KIRREL3: variants seen among roughly 807,000 people sequenced by gnomAD.
The protein encoded by KIRREL3 is kin of IRRE-like protein 3.
Under a neutral mutation model 89.7 loss-of-function variants are expected in KIRREL3, and 36 were observed. The observed-to-expected ratio is 0.40, with a 90% CI of 0.31 to 0.53. The LOEUF is 0.53. Among genes scored for constraint, KIRREL3 ranks in the 20% least tolerant of loss-of-function variants. KIRREL3 has a pLI of 0.49. For synonymous variants in KIRREL3, 445 were observed against 441.4 expected (o/e 1.01, Z -0.10); for missense variants, 864 against 1,056.6 (o/e 0.82, Z 2.53).
In KIRREL3 at chr11:126,564,118, G is replaced by A. The variant is rs1940336682; in HGVS notation, c.56-1206C>T. Among the ~76,000 whole-genome samples, 1 of 152,236 alleles carries A rather than the reference G, an allele frequency of 6.6e-6. No individual in the cohort carries two copies. Among genetic ancestry groups the A allele is most frequent in the Non-Finnish European group, 1.5e-5 (1 of 68,042 alleles). On this transcript the variant is annotated intron_variant, in intron 1 of 16. Transcript: ENST00000525144. This position sits in a 1 kb window ranked among gnomAD's most constrained non-coding sequence, Gnocchi z 7.4. ...TCCTGGCCCTTGCCAGGGTTTCTGG[G>A]CTCCTCCCTGCTCCTTCCTTTGATT...
intron 5 of KIRREL3, among the ~76,000 whole-genome samples, chr11:126,470,629 C>A (rs1377032952): frequency 6.6e-6 from 1 of 152,174 alleles, no homozygotes; most frequent in Non-Finnish European, 1.5e-5. Context: ...GTAGGGGGAA[C>A]CAGGCCGTGT....
chr11:126,759,198 C>T (rs1305482945), intron 1 of KIRREL3, among the ~76,000 whole-genome samples: 1 of 152,212 alleles, frequency 6.6e-6, no homozygotes, highest in Non-Finnish European at 1.5e-5. Context: ...GGTGCGATCT[C>T]GGCTTGCTGC....
intron 2 of KIRREL3, among the ~76,000 whole-genome samples, chr11:126,559,017 A>T (rs1338680201): frequency 6.6e-6 from 1 of 152,106 alleles, no homozygotes; most frequent in Non-Finnish European, 1.5e-5. Context: ...TCCTGAGAGC[A>T]TGGGCTGGCA....
chr11:126,675,182 C>G (rs1048913368), intron 1 of KIRREL3, among the ~76,000 whole-genome samples: 2 of 152,192 alleles, frequency 1.3e-5, no homozygotes, highest in Non-Finnish European at 2.9e-5. Flanking sequence ...GGCATTGGAG[C>G]CTTTACATGC....
At position 126,969,798 on chromosome 11, in the gene KIRREL3, T is replaced by C. The variant is rs954597180; in HGVS notation, c.55+30657A>G. ...ATTGGTGCCTTCCGGGATTCTGCCA[T>C]TGAAGGAAGGAAAAAGGTAGCAGAC... On this transcript the variant is annotated intron_variant, in intron 1 of 16. Transcript: ENST00000525144. The surrounding 1 kb of genome is among the most constrained non-coding windows in gnomAD (Gnocchi z 4.9). Among the ~76,000 whole-genome samples the C allele has an allele frequency of 3.3e-5, 5 of 152,192 alleles. No homozygotes were observed. The highest frequency in any genetic ancestry group is 6.5e-5 in the Admixed American group (1 of 15,278).
At chr11:126,559,615 C>A (rs1034763211) in intron 2 of KIRREL3, among the ~76,000 whole-genome samples, 4 of 151,748 alleles carry the variant, frequency 2.6e-5, no homozygotes, top group African/African-American at 9.7e-5. Context: ...GGAGGTGACA[C>A]ATACACTGAG....
chr11:126,465,651 C>G (rs144566068), intron 5 of KIRREL3, among the ~76,000 whole-genome samples: 22 of 152,178 alleles, frequency 1.4e-4, no homozygotes, highest in Non-Finnish European at 2.9e-5. Flanking sequence ...GAGAGCCACG[C>G]GGTGCAGCTG....
At chr11:126,935,596 T>C (rs1337385328) in intron 1 of KIRREL3, 1 of 152,188 alleles carries the variant, frequency 6.6e-6, no homozygotes, top group Non-Finnish European at 1.5e-5. Flanking sequence ...GAAACTGAAA[T>C]GCTTATTACC....
chr11:126,946,676 CA>C lies in KIRREL3; in HGVS notation c.55+53778del, dbSNP rs775409272. 2.6e-5 allele frequency among the ~76,000 whole-genome samples: 4 copies of C among 152,074 alleles called. No homozygotes were observed. Among genetic ancestry groups the C allele is most frequent in the Non-Finnish European group, 4.4e-5 (3 of 68,016 alleles). ...ACTTCATAATAAGATTAAATGGCTG[CA>C]AAAAATTCAATGCTTGGATATCCTA... On this transcript the variant is annotated intron_variant, in intron 1 of 16. Coordinates refer to ENST00000525144, the MANE Select transcript of KIRREL3 (RefSeq NM_032531.4). The surrounding 1 kb of genome is among the most constrained non-coding windows in gnomAD (Gnocchi z 4.1).
At position 126,797,503 on chromosome 11, in the gene KIRREL3, C is replaced by G. The variant is rs1329154029; in HGVS notation, c.55+202952G>C. Among the ~76,000 whole-genome samples the G allele has an allele frequency of 2.6e-5, 4 of 152,106 alleles. No homozygotes were observed. In the East Asian group the frequency reaches 7.7e-4, roughly 29 times the overall value. ...TACCTGGGAAGCTAAACTGTCCACA[C>G]CCTTCTCCCATGGTGATCCCCAGAA... is the stretch of plus-strand genomic sequence containing the variant. On this transcript the variant is annotated intron_variant, in intron 1 of 16. Coordinates refer to ENST00000525144, the MANE Select transcript of KIRREL3 (RefSeq NM_032531.4). The surrounding 1 kb of genome is among the most constrained non-coding windows in gnomAD (Gnocchi z 4.9).
rs925169251 is a variant in KIRREL3 at position 126,609,617 on chromosome 11, C to G, written c.56-46705G>C. ...TGGGGGGACCTCCGATGCATGCTCA[C>G]TTGTATAAAATCTAACTGGAACTGG... is the stretch of plus-strand genomic sequence containing the variant. On this transcript the variant is annotated intron_variant, in intron 1 of 16. Coordinates refer to ENST00000525144, the MANE Select transcript of KIRREL3 (RefSeq NM_032531.4). This position sits in a 1 kb window ranked among gnomAD's most constrained non-coding sequence, Gnocchi z 5.0. 3.3e-5 allele frequency among the ~76,000 whole-genome samples: 5 copies of G among 152,154 alleles called. No homozygotes were observed. Among genetic ancestry groups the G allele is most frequent in the African/African-American group, 1.2e-4 (5 of 41,432 alleles).
Position 126,900,985 on chromosome 11 carries a change from G to T in KIRREL3, c.55+99470C>A, listed in dbSNP as rs1011405927. Among the ~76,000 whole-genome samples, 3 of 152,178 alleles carry T rather than the reference G, an allele frequency of 2.0e-5. No homozygotes were observed. Among genetic ancestry groups the T allele is most frequent in the South Asian group, 2.1e-4 (1 of 4,828 alleles). On this transcript the variant is annotated intron_variant, in intron 1 of 16. Coordinates refer to ENST00000525144, the MANE Select transcript of KIRREL3 (RefSeq NM_032531.4). The surrounding 1 kb of genome is among the most constrained non-coding windows in gnomAD (Gnocchi z 4.4). ...TATAAATCAATGACAAAGACCAACA[G>T]TAAGTGGATCACGAGGTCAGGAGTT...
intron 1 of KIRREL3, among the ~76,000 whole-genome samples, chr11:126,950,456 G>C (rs1050921275): frequency 6.6e-6 from 1 of 152,084 alleles, no homozygotes; most frequent in Non-Finnish European, 1.5e-5. Flanking sequence ...TGACCTCTAC[G>C]GGCAGGCGGT....
rs1950164272 is a variant in KIRREL3, at chr11:126,776,180, A to T, written c.56-213268T>A. On this transcript the variant is annotated intron_variant, in intron 1 of 16. Coordinates refer to ENST00000525144, the MANE Select transcript of KIRREL3 (RefSeq NM_032531.4). The surrounding 1 kb of genome is among the most constrained non-coding windows in gnomAD (Gnocchi z 4.7). ...TAGAAGCTGGTCCAGGCTGGTTGGCAGGTGGCTTCCCTCCTGTGGCTGCTT... is the reference window on the plus strand; with the variant it reads ...TAGAAGCTGGTCCAGGCTGGTTGGCTGGTGGCTTCCCTCCTGTGGCTGCTT... Among the ~76,000 whole-genome samples the T allele has an allele frequency of 6.6e-6, 1 of 152,188 alleles. No homozygotes were observed. The highest frequency in any genetic ancestry group is 1.5e-5 in the Non-Finnish European group (1 of 68,038).
In KIRREL3 at chr11:126,624,318, C is replaced by T. The variant is rs1047713510; in HGVS notation, c.56-61406G>A. Among the ~76,000 whole-genome samples the T allele has an allele frequency of 4.6e-5, 7 of 152,152 alleles. No individual in the cohort carries two copies. The highest frequency in any genetic ancestry group is 2.0e-4 in the Admixed American group (3 of 15,276). ...CCAAACAGATCATTCTTGTCTTCTC[C>T]TCTGATTTCCACTAGGAAAAAACAA... is the stretch of plus-strand genomic sequence containing the variant. On this transcript the variant is annotated intron_variant, in intron 1 of 16. Coordinates refer to ENST00000525144, the MANE Select transcript of KIRREL3 (RefSeq NM_032531.4). The surrounding 1 kb of genome is among the most constrained non-coding windows in gnomAD (Gnocchi z 6.0).
In KIRREL3 at chr11:126,724,911, T is replaced by C. The variant is rs947376770; in HGVS notation, c.56-161999A>G. Among the ~76,000 whole-genome samples the C allele has an allele frequency of 1.3e-5, 2 of 152,246 alleles. No individual in the cohort carries two copies. Among genetic ancestry groups the C allele is most frequent in the Admixed American group, 6.5e-5 (1 of 15,290 alleles). Reference sequence around the variant, plus strand: ...AGTCATTCACTTAATGAGTATTTATTGTACCTTGACTTTGTGTCAGGTAGT... The same window carrying C: ...AGTCATTCACTTAATGAGTATTTATCGTACCTTGACTTTGTGTCAGGTAGT... On this transcript the variant is annotated intron_variant, in intron 1 of 16. Coordinates refer to ENST00000525144, the MANE Select transcript of KIRREL3 (RefSeq NM_032531.4). The surrounding 1 kb of genome is among the most constrained non-coding windows in gnomAD (Gnocchi z 4.3).
intron 1 of KIRREL3, among the ~76,000 whole-genome samples, chr11:126,871,936 G>A (rs1038272724): frequency 2.6e-5 from 4 of 152,212 alleles, no homozygotes; most frequent in African/African-American, 9.6e-5. Flanking sequence ...AAGAGGAGGT[G>A]TGACTGGAGT....
At chr11:126,507,564 G>A (rs770288020) in intron 4 of KIRREL3, among the ~76,000 whole-genome samples, 34 of 152,206 alleles carry the variant, frequency 2.2e-4, no homozygotes, top group Middle Eastern at 3.4e-3. Context: ...AATATGGTTC[G>A]CGGAGGTAGG....
In KIRREL3 at chr11:126,555,619, G is replaced by A. The variant is rs537056945; in HGVS notation, c.133+7216C>T. Among the ~76,000 whole-genome samples the A allele has an allele frequency of 1.3e-5, 2 of 152,288 alleles. No homozygotes were observed. The highest frequency in any genetic ancestry group is 1.9e-4 in the East Asian group (1 of 5,172). Reference sequence around the variant, plus strand: ...ACACAGGCCCTATGACAGGGGCCCTGCTTGAGGAGCAGCAGGAAGGCCCAT... The same window carrying A: ...ACACAGGCCCTATGACAGGGGCCCTACTTGAGGAGCAGCAGGAAGGCCCAT... On this transcript the variant is annotated intron_variant, in intron 2 of 16. Transcript: ENST00000525144. This position sits in a 1 kb window ranked among gnomAD's most constrained non-coding sequence, Gnocchi z 4.2.
Sources: allele counts gnomAD v4.1 joint callset (sites outside exome capture counted in the v4.1 genomes callset), GRCh38; gene constraint gnomAD v4.1.1; non-coding constraint Gnocchi (gnomAD v3.1); transcripts MANE v1.5; gene names NCBI Gene and HGNC (gene_info 2026-07-23, HGNC 2026-07-21).